Variants in PHF21B observed in about 807,000 individuals in gnomAD.
PHF21B encodes PHD finger protein 21B.
PHF21B carries 22 observed loss-of-function variants against 62.2 expected under a neutral mutation model. The ratio of observed to expected loss-of-function variants is 0.35; its 90% CI spans 0.25 to 0.51. The LOEUF is 0.51. Ranked by LOEUF, PHF21B falls within the 20% of genes least tolerant of loss-of-function variation. The pLI is 0.97. For synonymous variants in PHF21B, 341 were observed against 314.7 expected, an observed-to-expected ratio of 1.08 and a Z score of -0.88; for missense variants, 701 against 707.9, an observed-to-expected ratio of 0.99 and a Z score of 0.11.
At chr22:44,985,805 C>T (rs867825791) in intron 2 of PHF21B, among the ~76,000 whole-genome samples, 14 of 151,840 alleles carry the variant, frequency 9.2e-5, no homozygotes, top group African/African-American at 3.4e-4. Context: ...TAGCTATCAA[C>T]ACCATCACCA....
intron 2 of PHF21B, among the ~76,000 whole-genome samples, chr22:44,942,795 G>A (rs547309493): frequency 3.3e-5 from 5 of 152,290 alleles, no homozygotes; most frequent in South Asian, 2.1e-4. Context: ...CACCCGGGAC[G>A]GGGGTGCAGG....
At chr22:44,896,457 T>G (rs1047139444) in intron 5 of PHF21B, among the ~76,000 whole-genome samples, 4 of 152,188 alleles carry the variant, frequency 2.6e-5, no homozygotes, top group African/African-American at 9.7e-5. Flanking sequence ...AGAAAGCATC[T>G]ACAGCTCGAT....
chr22:44,900,903 G>A lies in PHF21B; in HGVS notation c.832-4820C>T, dbSNP rs536280636. Among the ~76,000 whole-genome samples the A allele has an allele frequency of 2.6e-5, 4 of 151,668 alleles. No individual in the cohort carries two copies. The South Asian group carries it at 8.3e-4, about 31-fold the overall frequency. ...TTTCCCCCTGGAGCACACATCAGCTGTCCCTGGGACCCAATGTGTCCTTTC... is the reference window on the plus strand; with the variant it reads ...TTTCCCCCTGGAGCACACATCAGCTATCCCTGGGACCCAATGTGTCCTTTC... On this transcript the variant is annotated intron_variant, in intron 5 of 12. Transcript: ENST00000313237.
At chr22:44,898,176 T>C (rs181606659) in intron 5 of PHF21B, among the ~76,000 whole-genome samples, 2 of 152,296 alleles carry the variant, frequency 1.3e-5, no homozygotes, top group East Asian at 1.9e-4. Context: ...TTCTGGGCTG[T>C]GAGGGTTTCT....
At chr22:44,927,518 G>T (rs536182474) in intron 2 of PHF21B, among the ~76,000 whole-genome samples, 1 of 152,160 alleles carries the variant, frequency 6.6e-6, no homozygotes, top group Non-Finnish European at 1.5e-5. Flanking sequence ...AAACAGGGCT[G>T]CCTTGCAGGG....
chr22:44,999,121 C>T (rs2147523401), intron 2 of PHF21B, among the ~76,000 whole-genome samples: 1 of 152,314 alleles, frequency 6.6e-6, no homozygotes, highest in Middle Eastern at 3.4e-3. Flanking sequence ...CAGTCAGGGA[C>T]TGTAACCAGA....
chr22:44,970,566 GC>G (rs1404774735), intron 2 of PHF21B, among the ~76,000 whole-genome samples: 1 of 152,188 alleles, frequency 6.6e-6, no homozygotes, highest in Non-Finnish European at 1.5e-5. Context: ...CCCCACACCT[GC>G]CTACCTTCAA....
chr22:44,932,555 A>T (rs1221562782), intron 2 of PHF21B, among the ~76,000 whole-genome samples: 1 of 152,244 alleles, frequency 6.6e-6, no homozygotes, highest in Non-Finnish European at 1.5e-5. Context: ...ACGGTCATTG[A>T]GAAGATCTAA....
intron 7 of PHF21B, among the ~76,000 whole-genome samples, chr22:44,891,974 T>C (rs2070973890): frequency 6.6e-6 from 1 of 152,120 alleles, no homozygotes; most frequent in African/African-American, 2.4e-5. Flanking sequence ...GCTGTGGACC[T>C]GGGGAAGGGC....
chr22:44,968,600 C>T (rs1429132571), intron 2 of PHF21B, among the ~76,000 whole-genome samples: 1 of 141,782 alleles, frequency 7.1e-6, no homozygotes, highest in Admixed American at 7.6e-5. Flanking sequence ...ACTGAGATTG[C>T]GCCACTGCAC....
At chr22:44,934,064 T>C (rs558049834) in intron 2 of PHF21B, among the ~76,000 whole-genome samples, 113 of 152,348 alleles carry the variant, frequency 7.4e-4, no homozygotes, top group African/African-American at 2.6e-3. Context: ...GGGGCCCTTC[T>C]TGACCTCTGC....
intron 9 of PHF21B, among the ~76,000 whole-genome samples, chr22:44,889,323 G>A (rs1411556409): frequency 2.6e-5 from 4 of 152,250 alleles, no homozygotes; most frequent in Non-Finnish European, 5.9e-5. Flanking sequence ...ACAGAAATGT[G>A]GGTGTGTGGG....
chr22:44,974,512 C>G (rs76636329), intron 2 of PHF21B, among the ~76,000 whole-genome samples: 1 of 152,072 alleles, frequency 6.6e-6, no homozygotes, highest in Non-Finnish European at 1.5e-5. Context: ...GCCGACATAC[C>G]CACATGTGTT....
chr22:44,974,218 C>T (rs1423774352), intron 2 of PHF21B, among the ~76,000 whole-genome samples: 1 of 152,018 alleles, frequency 6.6e-6, no homozygotes, highest in Non-Finnish European at 1.5e-5. Flanking sequence ...AGTTCGAGAC[C>T]AGCCTGACCA....
At chr22:44,980,346 G>A (rs1036760605) in intron 2 of PHF21B, among the ~76,000 whole-genome samples, 3 of 152,262 alleles carry the variant, frequency 2.0e-5, no homozygotes, top group Non-Finnish European at 2.9e-5. Context: ...GCTCACCCAC[G>A]CTGAAGTAGG....
intron 2 of PHF21B, chr22:44,989,457 G>C (rs578071162): frequency 2.6e-5 from 4 of 152,238 alleles, no homozygotes; most frequent in Non-Finnish European, 4.4e-5. Context: ...AATACCTCAA[G>C]ATGCTGCTAC....
At chr22:44,988,334 G>A (rs1357364338) in intron 2 of PHF21B, among the ~76,000 whole-genome samples, 1 of 152,024 alleles carries the variant, frequency 6.6e-6, no homozygotes, top group Non-Finnish European at 1.5e-5. Context: ...TGGTAGCATG[G>A]GCCTGTTGTC....
intron 2 of PHF21B, among the ~76,000 whole-genome samples, chr22:44,942,937 A>G (rs2071987803): frequency 6.6e-6 from 1 of 151,884 alleles, no homozygotes; most frequent in Admixed American, 6.6e-5. Context: ...AGGGGGATTC[A>G]GAGCTTAGGA....
In PHF21B at chr22:44,934,239, C is replaced by T. The variant is rs959204516; in HGVS notation, c.121-13749G>A. Among the ~76,000 whole-genome samples, 87 of 152,336 alleles carry T rather than the reference C, an allele frequency of 5.7e-4. 1 individual carries two copies. Among genetic ancestry groups the T allele is most frequent in the Middle Eastern group, 3.4e-3 (1 of 294 alleles). On this transcript the variant is annotated intron_variant, in intron 2 of 12. Transcript: ENST00000313237. ...CAGGTGCCGCTGGCCCTCACCTGCA[C>T]CTCACCCACCTGCTTCCCCTGTCCT...
Sources: gnomAD v4.1 joint callset for allele counts (sites outside exome capture counted in the v4.1 genomes callset) on GRCh38, gnomAD v4.1.1 for gene constraint, MANE v1.5 for transcripts, NCBI Gene and HGNC (gene_info 2026-07-23, HGNC 2026-07-21) for gene names.